PLCE1: variants seen among roughly 807,000 people sequenced by gnomAD.
PLCE1 encodes the protein phospholipase C epsilon 1.
In PLCE1, 119 loss-of-function variants were observed where a neutral mutation model predicts 242.8. The ratio of observed to expected loss-of-function variants is 0.49; its 90% CI spans 0.42 to 0.57. The LOEUF (loss-of-function observed/expected upper bound fraction) is 0.57, where lower values mean the gene tolerates loss of function less well. Ranked by LOEUF, PLCE1 falls within the 20% of genes least tolerant of loss-of-function variation. PLCE1 has a pLI of 0.00. For synonymous variants in PLCE1, 945 were observed against 1,017.4 expected (o/e 0.93, Z 1.35); for missense variants, 2,441 against 2,788.8 (o/e 0.88, Z 2.81).
At chr10:94,182,445 T>C (rs2048344626) in intron 4 of PLCE1, among the ~76,000 whole-genome samples, 1 of 151,662 alleles carries the variant, frequency 6.6e-6, no homozygotes, top group South Asian at 2.1e-4. Context: ...TTTTTTTTTT[T>C]TTTTAGTAGA....
intron 8 of PLCE1, among the ~76,000 whole-genome samples, chr10:94,249,106 A>G (rs2050786774): frequency 6.6e-6 from 1 of 152,128 alleles, no homozygotes; most frequent in Non-Finnish European, 1.5e-5. Flanking sequence ...AAAACAGCTC[A>G]TACTCAACCA....
intron 2 of PLCE1, among the ~76,000 whole-genome samples, chr10:94,052,638 T>C (rs2043796548): frequency 6.6e-6 from 1 of 152,234 alleles, no homozygotes; most frequent in African/African-American, 2.4e-5. Flanking sequence ...TTTCTTTCTT[T>C]CTTTTTCTTT....
chr10:94,319,854 C>CAAAGGTA (rs2053718099), intron 29 of PLCE1, among the ~76,000 whole-genome samples: 1 of 127,024 alleles, frequency 7.9e-6, no homozygotes, highest in Admixed American at 8.0e-5. Context: ...GAGGGAGGCT[C>CAAAGGTA]AAAGGTGCTC....
chr10:94,304,407 C>T, intron 24 of PLCE1, 75 bp from the exon 25 acceptor site: 1 of 1,356,826 alleles, frequency 7.4e-7, no homozygotes, highest in Non-Finnish European at 1.1e-6. Flanking sequence ...TTCTTTTGAA[C>T]TTTCAATTTA....
intron 2 of PLCE1, among the ~76,000 whole-genome samples, chr10:94,111,831 G>A (rs2045964990): frequency 6.6e-6 from 1 of 152,188 alleles, no homozygotes; most frequent in African/African-American, 2.4e-5. Flanking sequence ...TATAGTGCTT[G>A]AATAATAAGT....
chr10:94,315,747 G>A (rs1028292450), intron 28 of PLCE1, among the ~76,000 whole-genome samples: 3 of 144,128 alleles, frequency 2.1e-5, no homozygotes. Context: ...TCCAGCCTGG[G>A]CGACAGAGGG....
At chr10:94,222,603 G>GACTC (rs1326151714) in intron 4 of PLCE1, among the ~76,000 whole-genome samples, 3 of 152,226 alleles carry the variant, frequency 2.0e-5, no homozygotes, top group African/African-American at 7.2e-5. Flanking sequence ...GTTTTTATCA[G>GACTC]ACTCCTGAAG....
intron 4 of PLCE1, chr10:94,226,979 C>T (rs571790135): frequency 8.7e-5 from 30 of 344,364 alleles, no homozygotes; most frequent in South Asian, 6.1e-4. Flanking sequence ...AGGGTTCAAG[C>T]GATTCTCCTG....
At chr10:94,274,870 AT>A (rs2051886388) in intron 19 of PLCE1, among the ~76,000 whole-genome samples, 1 of 152,118 alleles carries the variant, frequency 6.6e-6, no homozygotes, top group African/African-American at 2.4e-5. Flanking sequence ...TTACAAAGTT[AT>A]TTAAATGTTA....
At chr10:94,302,304 G>A (rs907983219) in intron 24 of PLCE1, among the ~76,000 whole-genome samples, 7 of 152,158 alleles carry the variant, frequency 4.6e-5, no homozygotes, top group Admixed American at 2.0e-4. Context: ...GGGTTGATAG[G>A]TGCAGCAAAC....
At chr10:94,253,337 A>G (rs1334993635) in intron 9 of PLCE1, among the ~76,000 whole-genome samples, 1 of 152,006 alleles carries the variant, frequency 6.6e-6, no homozygotes, top group Non-Finnish European at 1.5e-5. Flanking sequence ...GTGAGAGAGA[A>G]GGGGAGAGGT....
At position 94,171,367 on chromosome 10, in the gene PLCE1, A is replaced by C; in HGVS notation, c.1680A>C (p.Thr560=). 6.2e-7 allele frequency: 1 copy of C among 1,614,042 alleles called. No homozygotes were observed. The highest frequency in any genetic ancestry group is 2.2e-5 in the East Asian group (1 of 44,894). ...VLPVDYLCFL[T]RDLGTPECQS... is the part of the protein sequence containing the mutation. ...CAGTCGACTACCTTTGCTTCTTAACACGGGACTTGGGCACTCCTGAATGCC... is the reference window on the plus strand; with the variant it reads ...CAGTCGACTACCTTTGCTTCTTAACCCGGGACTTGGGCACTCCTGAATGCC... The change falls in exon 4 of 33, where the codon ACA becomes ACC. Residue 560 remains threonine (T), a synonymous_variant. Coordinates refer to ENST00000371380, the MANE Select transcript of PLCE1 (RefSeq NM_016341.4).
intron 3 of PLCE1, among the ~76,000 whole-genome samples, chr10:94,152,186 C>G (rs1357708259): frequency 6.6e-6 from 1 of 151,998 alleles, no homozygotes; most frequent in Admixed American, 6.6e-5. Flanking sequence ...TAAAGAGCTC[C>G]TGGACAGCAG....
chr10:94,204,608 A>G (rs1293599415), intron 4 of PLCE1, among the ~76,000 whole-genome samples: 3 of 152,102 alleles, frequency 2.0e-5, no homozygotes, highest in Non-Finnish European at 4.4e-5. Context: ...CGGAGGTTAC[A>G]GTGAGCCAAG....
chr10:94,146,397 A>C (rs2047112087), intron 3 of PLCE1, among the ~76,000 whole-genome samples: 1 of 152,168 alleles, frequency 6.6e-6, no homozygotes, highest in Admixed American at 6.6e-5. Context: ...ACACAGCACC[A>C]TTGTAAAAAA....
intron 4 of PLCE1, among the ~76,000 whole-genome samples, chr10:94,172,982 C>T (rs2048028643): frequency 6.6e-6 from 1 of 152,226 alleles, no homozygotes. Flanking sequence ...GGTTCTGTAT[C>T]CAGACATGTC....
At chr10:94,065,941 C>A (rs2044183547) in intron 2 of PLCE1, among the ~76,000 whole-genome samples, 1 of 152,158 alleles carries the variant, frequency 6.6e-6, no homozygotes. Context: ...TGTTAATAGC[C>A]TTTCCCCCTC....
intron 19 of PLCE1, among the ~76,000 whole-genome samples, chr10:94,279,021 T>C (rs1281769102): frequency 6.6e-6 from 1 of 152,158 alleles, no homozygotes; most frequent in African/African-American, 2.4e-5. Flanking sequence ...TCTCATTCTC[T>C]CCAGCAGACA....
At chr10:94,249,790 C>T (rs2050810047) in intron 8 of PLCE1, among the ~76,000 whole-genome samples, 1 of 152,170 alleles carries the variant, frequency 6.6e-6, no homozygotes, top group African/African-American at 2.4e-5. Context: ...ATGTCTTGAG[C>T]TTTGGCCCAA....
Sources: gnomAD v4.1 joint callset for allele counts (sites outside exome capture counted in the v4.1 genomes callset) on GRCh38, gnomAD v4.1.1 for gene constraint, MANE v1.5 for transcripts, NCBI Gene and HGNC (gene_info 2026-07-23, HGNC 2026-07-21) for gene names.